The following RALYL variants were observed in gnomAD, a reference collection of about 807,000 sequenced individuals.
RALYL encodes RNA-binding Raly-like protein.
RALYL carries 29 observed loss-of-function variants against 35.1 expected under a neutral mutation model. The observed-to-expected ratio is 0.83, with a 90% CI of 0.61 to 1.13. The LOEUF is 1.13. Ranked by LOEUF, RALYL falls within the 50% of genes most tolerant of loss-of-function variation. The pLI is 0.00. For synonymous variants in RALYL, 120 were observed against 127.6 expected (o/e 0.94, Z 0.40); for missense variants, 359 against 360.4 (o/e 1.00, Z 0.03).
At chr8:84,356,127 G>A (rs1418586468) in intron 1 of RALYL, among the ~76,000 whole-genome samples, 1 of 150,070 alleles carries the variant, frequency 6.7e-6, no homozygotes, top group African/African-American at 2.5e-5. Context: ...AGTTTCCTGA[G>A]GTCTCCCAGT....
At chr8:84,262,958 G>GT (rs1414689130) in intron 1 of RALYL, among the ~76,000 whole-genome samples, 2 of 152,074 alleles carry the variant, frequency 1.3e-5, no homozygotes, top group South Asian at 4.1e-4. Flanking sequence ...AGTGTCTCTA[G>GT]TTTTTTAATA....
chr8:84,616,906 A>G (rs1349356107), intron 2 of RALYL, among the ~76,000 whole-genome samples: 1 of 150,530 alleles, frequency 6.6e-6, no homozygotes, highest in Non-Finnish European at 1.5e-5. Context: ...AGTTGTAGAT[A>G]TGTGGCATTA....
chr8:84,528,407 A>G (rs909279007), intron 1 of RALYL, among the ~76,000 whole-genome samples: 8 of 152,146 alleles, frequency 5.3e-5, no homozygotes, highest in African/African-American at 1.7e-4. Flanking sequence ...GAATAAATCT[A>G]TATGTGCTGG....
At chr8:84,856,817 A>G (rs1837090241) in intron 5 of RALYL, among the ~76,000 whole-genome samples, 1 of 151,492 alleles carries the variant, frequency 6.6e-6, no homozygotes, top group Non-Finnish European at 1.5e-5. Flanking sequence ...TCATGAGGTC[A>G]GGAGATCGAG....
chr8:84,415,947 A>G (rs1443270745), intron 1 of RALYL, among the ~76,000 whole-genome samples: 1 of 152,228 alleles, frequency 6.6e-6, no homozygotes, highest in African/African-American at 2.4e-5. Context: ...GTCAAGTCGC[A>G]GATTCATGTC....
chr8:84,431,503 T>C (rs985690713), intron 1 of RALYL, among the ~76,000 whole-genome samples: 1 of 152,164 alleles, frequency 6.6e-6, no homozygotes, highest in African/African-American at 2.4e-5. Flanking sequence ...ATAGTCCTCC[T>C]ATCTAACTGA....
At chr8:84,259,562 T>C (rs1476561750) in intron 1 of RALYL, among the ~76,000 whole-genome samples, 5 of 152,196 alleles carry the variant, frequency 3.3e-5, no homozygotes, top group South Asian at 2.1e-4. Context: ...GGCAGTTTAG[T>C]AATTTTTTTA....
At chr8:84,351,082 G>A (rs181468714) in intron 1 of RALYL, among the ~76,000 whole-genome samples, 6 of 149,592 alleles carry the variant, frequency 4.0e-5, no homozygotes, top group South Asian at 2.1e-4. Flanking sequence ...GTTTGTTCTC[G>A]GTTAACTCTT....
chr8:84,703,289 A>C (rs759871953), intron 2 of RALYL, among the ~76,000 whole-genome samples: 1 of 152,130 alleles, frequency 6.6e-6, no homozygotes, highest in African/African-American at 2.4e-5. Context: ...AAATGCACTG[A>C]GGCGAGAAAA....
chr8:84,632,277 G>A (rs1413678584), intron 2 of RALYL, among the ~76,000 whole-genome samples: 3 of 151,902 alleles, frequency 2.0e-5, no homozygotes, highest in Non-Finnish European at 1.5e-5. Context: ...TTGTTTATAA[G>A]CTACCCAGTT....
intron 1 of RALYL, among the ~76,000 whole-genome samples, chr8:84,355,617 G>A (rs1053951836): frequency 6.6e-6 from 1 of 150,394 alleles, no homozygotes; most frequent in African/African-American, 2.5e-5. Flanking sequence ...GCGATATAAA[G>A]AGAATGTGGT....
At chr8:84,298,166 G>A (rs936632663) in intron 1 of RALYL, among the ~76,000 whole-genome samples, 1 of 151,786 alleles carries the variant, frequency 6.6e-6, no homozygotes, top group Non-Finnish European at 1.5e-5. Context: ...TATAGTTTTA[G>A]GTTTTACATC....
chr8:84,904,650 T>G (rs1190115416), intron 8 of RALYL, among the ~76,000 whole-genome samples: 1 of 151,012 alleles, frequency 6.6e-6, no homozygotes, highest in African/African-American at 2.5e-5. Flanking sequence ...TAGAGTTGCT[T>G]CATTTGACTT....
At chr8:84,427,995 T>C (rs2046690049) in intron 1 of RALYL, among the ~76,000 whole-genome samples, 1 of 152,056 alleles carries the variant, frequency 6.6e-6, no homozygotes, top group Non-Finnish European at 1.5e-5. Context: ...CTCAGATTCC[T>C]TACCTGTAAA....
intron 2 of RALYL, among the ~76,000 whole-genome samples, chr8:84,773,256 C>A (rs1429743939): frequency 6.6e-6 from 1 of 152,102 alleles, no homozygotes; most frequent in Non-Finnish European, 1.5e-5. Flanking sequence ...TACTTTCTTG[C>A]TAGTTTTATG....
intron 1 of RALYL, among the ~76,000 whole-genome samples, chr8:84,449,548 T>A (rs2049225788): frequency 6.6e-6 from 1 of 152,024 alleles, no homozygotes; most frequent in African/African-American, 2.4e-5. Context: ...TGGTTCCCAA[T>A]CCTGGCTCCC....
intron 1 of RALYL, among the ~76,000 whole-genome samples, chr8:84,406,202 T>C (rs977420261): frequency 2.0e-5 from 3 of 152,186 alleles, no homozygotes; most frequent in Non-Finnish European, 4.4e-5. Flanking sequence ...CATTACTTTT[T>C]TCATGTTCTT....
At chr8:84,201,965 A>G (rs1816943892) in intron 1 of RALYL, among the ~76,000 whole-genome samples, 1 of 152,064 alleles carries the variant, frequency 6.6e-6, no homozygotes, top group South Asian at 2.1e-4. Context: ...TCCTTTTTTT[A>G]TATCCAACCC....
chr8:84,311,330 C>A (rs1485202612), intron 1 of RALYL, among the ~76,000 whole-genome samples: 1 of 151,754 alleles, frequency 6.6e-6, no homozygotes, highest in Non-Finnish European at 1.5e-5. Flanking sequence ...AGAATGTTTT[C>A]CAGGCATATA....
Sources: gnomAD v4.1 joint callset for allele counts (sites outside exome capture counted in the v4.1 genomes callset) on GRCh38, gnomAD v4.1.1 for gene constraint, MANE v1.5 for transcripts, NCBI Gene and HGNC (gene_info 2026-07-23, HGNC 2026-07-21) for gene names.